The following ST6GAL2 variants were observed in gnomAD, a reference collection of about 807,000 sequenced individuals.
The protein encoded by ST6GAL2 is ST6 beta-galactoside alpha-2,6-sialyltransferase 2, also known as beta-galactoside alpha-2,6-sialyltransferase 2.
Under a neutral mutation model 37.5 loss-of-function variants are expected in ST6GAL2, and 24 were observed. That is an observed-to-expected ratio of 0.64 (90% CI 0.46 to 0.90). The LOEUF (loss-of-function observed/expected upper bound fraction) is 0.90. ST6GAL2 is among the 40% of genes least tolerant of loss of function. ST6GAL2 has a pLI of 0.00. For missense variants in ST6GAL2, 715 were observed against 712.7 expected (o/e 1.00, Z -0.04); for synonymous variants, 306 against 295.1 (o/e 1.04, Z -0.38).
At chr2:106,807,248 C>A (rs561737281) in intron 5 of ST6GAL2, among the ~76,000 whole-genome samples, 2 of 152,210 alleles carry the variant, frequency 1.3e-5, no homozygotes, top group South Asian at 4.2e-4. Flanking sequence ...GGGAACCACA[C>A]GCTAGTGAAG....
intron 1 of ST6GAL2, among the ~76,000 whole-genome samples, chr2:106,878,756 G>A (rs1000987173): frequency 3.3e-5 from 5 of 152,146 alleles, no homozygotes; most frequent in Non-Finnish European, 7.4e-5. Context: ...AGGGACTTGA[G>A]CATCCATGGA....
intron 1 of ST6GAL2, among the ~76,000 whole-genome samples, chr2:106,867,523 G>C (rs1216545005): frequency 6.6e-6 from 1 of 152,152 alleles, no homozygotes; most frequent in Admixed American, 6.5e-5. Flanking sequence ...TATGATTTTG[G>C]AGACAACAAA....
intron 5 of ST6GAL2, chr2:106,822,844 T>C (rs1676055844): frequency 6.6e-6 from 1 of 152,194 alleles, no homozygotes; most frequent in Non-Finnish European, 1.5e-5. Flanking sequence ...TTATTAATAT[T>C]GAAGTAAGCT....
intron 5 of ST6GAL2, among the ~76,000 whole-genome samples, chr2:106,810,679 G>A (rs1431556423): frequency 6.7e-6 from 1 of 148,340 alleles, no homozygotes; most frequent in Non-Finnish European, 1.5e-5. Flanking sequence ...AGGGCGTGCA[G>A]TGGCTCACGC....
At chr2:106,846,901 T>C (rs1338176414) in intron 1 of ST6GAL2, among the ~76,000 whole-genome samples, 1 of 152,206 alleles carries the variant, frequency 6.6e-6, no homozygotes, top group Non-Finnish European at 1.5e-5. Flanking sequence ...TACTGTCATA[T>C]CCATTTTCTA....
At chr2:106,826,050 CAA>C (rs1293813401) in intron 5 of ST6GAL2, among the ~76,000 whole-genome samples, 1 of 152,162 alleles carries the variant, frequency 6.6e-6, no homozygotes, top group Non-Finnish European at 1.5e-5. Context: ...CTTTCGTGTT[CAA>C]AAGAGTCAAC....
At chr2:106,853,807 A>C (rs913058016) in intron 1 of ST6GAL2, among the ~76,000 whole-genome samples, 6 of 152,156 alleles carry the variant, frequency 3.9e-5, no homozygotes, top group African/African-American at 1.4e-4. Context: ...AGGAAGGGGG[A>C]GGTGGAAATG....
At chr2:106,829,590 C>T (rs1423515060) in intron 5 of ST6GAL2, among the ~76,000 whole-genome samples, 3 of 152,120 alleles carry the variant, frequency 2.0e-5, no homozygotes, top group Non-Finnish European at 2.9e-5. Flanking sequence ...AAAGAACTGC[C>T]CAGCCAGGCC....
intron 1 of ST6GAL2, among the ~76,000 whole-genome samples, chr2:106,851,035 T>G (rs1379796978): frequency 6.6e-6 from 1 of 152,152 alleles, no homozygotes; most frequent in Non-Finnish European, 1.5e-5. Flanking sequence ...TTGCCAGTTT[T>G]CCCCTGGGAA....
At chr2:106,886,169 G>C (rs1678982305), upstream of ST6GAL2, 1 of 152,262 alleles carries the variant, frequency 6.6e-6, no homozygotes, top group African/African-American at 2.4e-5. Context: ...CGCGGCACTG[G>C]AGTCCAAGGC....
At chr2:106,844,060 G>A in intron 1 of ST6GAL2, 26 bp from the exon 2 acceptor site, 1 of 1,124,978 alleles carries the variant, frequency 8.9e-7, no homozygotes, top group Non-Finnish European at 1.3e-6. Context: ...ATGGCAGTTA[G>A]CCAACATGGG....
chr2:106,868,319 G>A (rs1033072479), intron 1 of ST6GAL2, among the ~76,000 whole-genome samples: 4 of 152,140 alleles, frequency 2.6e-5, no homozygotes, highest in African/African-American at 9.7e-5. Context: ...TCCCCGGCAA[G>A]GTGCAGGGCC....
intron 1 of ST6GAL2, among the ~76,000 whole-genome samples, chr2:106,861,507 T>G (rs935847223): frequency 6.6e-6 from 1 of 152,224 alleles, no homozygotes; most frequent in Non-Finnish European, 1.5e-5. Flanking sequence ...CAACATGTTC[T>G]TATCTTCCAT....
At chr2:106,817,058 G>C (rs959127718) in intron 5 of ST6GAL2, among the ~76,000 whole-genome samples, 1 of 152,214 alleles carries the variant, frequency 6.6e-6, no homozygotes, top group African/African-American at 2.4e-5. Flanking sequence ...CCATCCCAGT[G>C]GTCACAACCT....
intron 5 of ST6GAL2, among the ~76,000 whole-genome samples, chr2:106,826,853 T>C (rs977237889): frequency 6.6e-6 from 1 of 152,168 alleles, no homozygotes; most frequent in African/African-American, 2.4e-5. Context: ...TGTATATACA[T>C]GTATCTAATG....
At chr2:106,853,803 G>C (rs1305212921) in intron 1 of ST6GAL2, among the ~76,000 whole-genome samples, 1 of 152,208 alleles carries the variant, frequency 6.6e-6, no homozygotes, top group Non-Finnish European at 1.5e-5. Context: ...GTTGAGGAAG[G>C]GGGAGGTGGA....
intron 2 of ST6GAL2, 70 bp downstream of exon 2, chr2:106,842,965 C>T: frequency 1.7e-6 from 2 of 1,199,536 alleles, no homozygotes; most frequent in Non-Finnish European, 2.2e-6. Flanking sequence ...GAGGCGCGCT[C>T]AGAAAGAACC....
At chr2:106,866,040 G>A (rs1573303850) in intron 1 of ST6GAL2, among the ~76,000 whole-genome samples, 1 of 152,288 alleles carries the variant, frequency 6.6e-6, no homozygotes, top group South Asian at 2.1e-4. Context: ...GAAGTGGCAG[G>A]AATTAACTTT....
In ST6GAL2 at chr2:106,843,073, GCAGA is replaced by G; in HGVS notation, c.901_904del (p.Ser301GlnfsTer13). The G allele has an allele frequency of 6.7e-7, 1 of 1,489,068 alleles. No individual in the cohort carries two copies. The highest frequency in any genetic ancestry group is 8.9e-7 in the Non-Finnish European group (1 of 1,122,090). 92.2% of individuals were successfully genotyped at this position (1,489,068 alleles called of 1,614,324 possible). On this transcript the variant is annotated frameshift_variant, in exon 2 of 6. Transcript: ENST00000409382. LOFTEE classifies it high-confidence loss of function. Reference sequence around the variant, plus strand: ...CAAGGAAGAGTTGAGGATTGCGCCTGCAGACATGACGACAGCGCAGCTGCGCAGG... The same window carrying G: ...CAAGGAAGAGTTGAGGATTGCGCCTGCATGACGACAGCGCAGCTGCGCAGG...
Sources: allele counts gnomAD v4.1 joint callset (sites outside exome capture counted in the v4.1 genomes callset), GRCh38; gene constraint gnomAD v4.1.1; transcripts MANE v1.5; gene names NCBI Gene and HGNC (gene_info 2026-07-23, HGNC 2026-07-21).